CTNNA2: variants seen among roughly 807,000 people sequenced by gnomAD.
The protein encoded by CTNNA2 is catenin alpha 2.
CTNNA2 carries 42 observed loss-of-function variants against 101.0 expected under a neutral mutation model. The observed-to-expected ratio is 0.42, with a 90% CI of 0.32 to 0.54. The LOEUF is 0.54. Among genes scored for constraint, CTNNA2 ranks in the 20% least tolerant of loss-of-function variants. The pLI is 0.14. For synonymous variants in CTNNA2, 450 were observed against 456.4 expected (o/e 0.99, Z 0.18); for missense variants, 871 against 1,223.1 (o/e 0.71, Z 4.29).
chr2:79,819,812 C>T lies in CTNNA2; in HGVS notation c.299-38201C>T, dbSNP rs976721437. 1.2e-4 allele frequency among the ~76,000 whole-genome samples: 18 copies of T among 151,702 alleles called. 1 individual carries two copies. The highest frequency in any genetic ancestry group is 2.0e-4 in the Admixed American group (3 of 15,212). ...ACTGAAAGAGTGGAATTAGAATGTT[C>T]CTAACACAAGGAAATGATACCACAA... On this transcript the variant is annotated intron_variant, in intron 3 of 18. Transcript: ENST00000402739.
intron 9 of CTNNA2, among the ~76,000 whole-genome samples, chr2:80,502,999 G>A (rs1158207676): frequency 6.6e-6 from 1 of 152,040 alleles, no homozygotes; most frequent in African/African-American, 2.4e-5. Context: ...AGACCTCCTT[G>A]TTTCTACAAA....
chr2:80,538,944 C>T (rs1691289092), intron 9 of CTNNA2, among the ~76,000 whole-genome samples: 1 of 152,098 alleles, frequency 6.6e-6, no homozygotes, highest in African/African-American at 2.4e-5. Flanking sequence ...CCTTCACATC[C>T]CTTGAAAATT....
At chr2:80,241,266 T>C (rs1390185079) in intron 7 of CTNNA2, among the ~76,000 whole-genome samples, 1 of 151,506 alleles carries the variant, frequency 6.6e-6, no homozygotes, top group Non-Finnish European at 1.5e-5. Flanking sequence ...GCAGTATTTG[T>C]TTACTCAGTG....
chr2:80,642,305 T>C (rs976747583), intron 18 of CTNNA2, among the ~76,000 whole-genome samples: 3 of 152,150 alleles, frequency 2.0e-5, no homozygotes, highest in African/African-American at 4.8e-5. Flanking sequence ...TCAAGGTAAA[T>C]TGCTATTCCT....
chr2:79,414,585 G>A (rs143291892), intron 4 of CTNNA2, among the ~76,000 whole-genome samples: 31 of 152,142 alleles, frequency 2.0e-4, no homozygotes, highest in East Asian at 9.7e-4. Context: ...AGATGCTCCC[G>A]TTGAGTAGGA....
chr2:80,590,854 C>T (rs1696426224), intron 15 of CTNNA2, among the ~76,000 whole-genome samples: 1 of 152,056 alleles, frequency 6.6e-6, no homozygotes, highest in Non-Finnish European at 1.5e-5. Context: ...AGCGTAACAG[C>T]AGGAAAAAAG....
intron 7 of CTNNA2, among the ~76,000 whole-genome samples, chr2:80,011,073 A>T (rs755970260): frequency 6.6e-6 from 1 of 152,044 alleles, no homozygotes; most frequent in African/African-American, 2.4e-5. Context: ...ACACCTCCCC[A>T]CTCCAAACAG....
At chr2:80,388,426 G>A (rs779442258) in intron 7 of CTNNA2, among the ~76,000 whole-genome samples, 14 of 152,210 alleles carry the variant, frequency 9.2e-5, no homozygotes, top group East Asian at 7.7e-4. Context: ...TTAGAGAAGA[G>A]AAAAACTTCA....
chr2:79,508,894 C>T (rs1671468858), upstream of CTNNA2, among the ~76,000 whole-genome samples: 1 of 146,596 alleles, frequency 6.8e-6, no homozygotes, highest in African/African-American at 2.5e-5. Context: ...CAATTACACA[C>T]ATGGATCCCA....
chr2:79,513,999 T>A lies in CTNNA2; in HGVS notation c.-6+792T>A, dbSNP rs112124744. 2.2e-3 allele frequency among the ~76,000 whole-genome samples: 339 copies of A among 152,250 alleles called. 2 individuals are homozygous for A. The highest frequency in any genetic ancestry group is 7.7e-3 in the African/African-American group (319 of 41,546). On this transcript the variant is annotated intron_variant, in intron 1 of 18. Coordinates refer to ENST00000402739, the MANE Select transcript of CTNNA2 (RefSeq NM_001282597.3). ...TGTGTTCTTTTCCCCTAGGCCTCTT[T>A]GGTTTGACATTTTCAAACCACCCGC...
chr2:79,320,260 A>ATTTTTTTTTTTTTTTTTT (rs34694986), intron 3 of CTNNA2, among the ~76,000 whole-genome samples: 3 of 119,786 alleles, frequency 2.5e-5, no homozygotes, highest in Non-Finnish European at 3.4e-5. Context: ...TTACGTTTCA[A>ATTTTTTTTTTTTTTTTTT]TTTTTTTTTT....
intron 2 of CTNNA2, among the ~76,000 whole-genome samples, chr2:79,704,506 GCTT>G (rs1406357198): frequency 6.8e-6 from 1 of 147,226 alleles, no homozygotes; most frequent in African/African-American, 2.5e-5. Flanking sequence ...ATTCACTTGT[GCTT>G]CTTTTTTTTT....
intron 5 of CTNNA2, 151 bp from the exon 6 acceptor site, chr2:79,873,925 A>T: frequency 1.6e-6 from 2 of 1,252,614 alleles, no homozygotes; most frequent in Non-Finnish European, 1.1e-6. Context: ...CAAACAAACA[A>T]AAGAGTATAT....
intron 9 of CTNNA2, among the ~76,000 whole-genome samples, chr2:80,510,983 AG>A (rs1688661450): frequency 1.3e-5 from 2 of 152,142 alleles, no homozygotes; most frequent in African/African-American, 4.8e-5. Context: ...TGCCCTTCCC[AG>A]GGTACTTGCA....
chr2:80,328,522 G>C (rs918618459), intron 7 of CTNNA2, among the ~76,000 whole-genome samples: 1 of 152,212 alleles, frequency 6.6e-6, no homozygotes, highest in African/African-American at 2.4e-5. Context: ...AGTGGCTGGA[G>C]TGGGTCAGCC....
At chr2:80,448,382 C>A (rs2149451949) in intron 9 of CTNNA2, among the ~76,000 whole-genome samples, 1 of 152,308 alleles carries the variant, frequency 6.6e-6, no homozygotes, top group Non-Finnish European at 1.5e-5. Flanking sequence ...AAAAATTAAA[C>A]TGTTTTTGTT....
At chr2:80,526,733 T>TA (rs1302723916) in intron 9 of CTNNA2, among the ~76,000 whole-genome samples, 12 of 152,282 alleles carry the variant, frequency 7.9e-5, no homozygotes, top group Non-Finnish European at 1.6e-4. Flanking sequence ...ATAGAGCTTA[T>TA]AAAAAAGTGT....
chr2:80,581,044 G>A (rs927578982), intron 13 of CTNNA2, among the ~76,000 whole-genome samples: 4 of 151,966 alleles, frequency 2.6e-5, no homozygotes, highest in Admixed American at 6.6e-5. Context: ...TAATAATGAT[G>A]ACAAACATTT....
chr2:79,512,861 C>A (rs1220883121), upstream of CTNNA2: 1 of 151,436 alleles, frequency 6.6e-6, no homozygotes, highest in Non-Finnish European at 1.5e-5. Flanking sequence ...CCTTTCCAGG[C>A]GCCGCGGAGC....
Sources: gnomAD v4.1 joint callset for allele counts (sites outside exome capture counted in the v4.1 genomes callset) on GRCh38, gnomAD v4.1.1 for gene constraint, MANE v1.5 for transcripts, NCBI Gene and HGNC (gene_info 2026-07-23, HGNC 2026-07-21) for gene names.